TMEM65: variants seen among roughly 807,000 people sequenced by gnomAD.
TMEM65 encodes the protein transmembrane protein 65.
A neutral mutation model predicts 25.4 loss-of-function variants in TMEM65; 22 were observed. That is an observed-to-expected ratio of 0.86 (90% CI 0.62 to 1.23). TMEM65 has a LOEUF of 1.23. Among genes scored for constraint, TMEM65 ranks in the 50% most tolerant of loss-of-function variants. The probability of loss-of-function intolerance (pLI) is 0.00; values close to 1 mark genes in which losing one functional copy is unlikely to be tolerated. For synonymous variants in TMEM65, 132 were observed against 126.2 expected (o/e 1.05, Z -0.31); for missense variants, 262 against 308.2 (o/e 0.85, Z 1.12).
rs1443962480 is a variant in TMEM65, at chr8:124,339,186, T to C, written c.305-8394A>G. 9.6e-4 allele frequency among the ~76,000 whole-genome samples: 54 copies of C among 56,192 alleles called. 1 individual carries two copies. The highest frequency in any genetic ancestry group is 4.7e-3 in the African/African-American group (54 of 11,448). The allele number at this position is 56,192 out of a possible 152,430, so 36.9% of individuals were successfully genotyped here. ...CAGCCTGGGCAACAGAGCAAGACTC[T>C]GTCTCAAAAAAAAAAAAAAAAAAAA... On this transcript the variant is annotated intron_variant, in intron 1 of 6. Transcript: ENST00000297632.
chr8:124,351,497 A>G (rs1455775661), intron 1 of TMEM65, among the ~76,000 whole-genome samples: 1 of 152,204 alleles, frequency 6.6e-6, no homozygotes, highest in African/African-American at 2.4e-5. Flanking sequence ...ACTTATCAGA[A>G]GCAGGTTTAA....
intron 1 of TMEM65, among the ~76,000 whole-genome samples, chr8:124,371,034 T>C (rs1815004663): frequency 6.6e-6 from 1 of 152,230 alleles, no homozygotes; most frequent in Admixed American, 6.5e-5. Context: ...AGACTCAAAT[T>C]CTGCCCTACC....
intron 3 of TMEM65, among the ~76,000 whole-genome samples, chr8:124,324,171 G>C (rs1814338705): frequency 6.6e-6 from 1 of 152,006 alleles, no homozygotes; most frequent in Non-Finnish European, 1.5e-5. Context: ...GAGTTCTCTT[G>C]AATACTGATG....
At chr8:124,365,749 A>C (rs1814930104) in intron 1 of TMEM65, among the ~76,000 whole-genome samples, 1 of 152,170 alleles carries the variant, frequency 6.6e-6, no homozygotes, top group Non-Finnish European at 1.5e-5. Flanking sequence ...GAACCAAGGA[A>C]TCCCAAAAGA....
Position 124,329,590 on chromosome 8 carries a change from G to A in TMEM65, c.349+1158C>T, listed in dbSNP as rs371093902. Among the ~76,000 whole-genome samples, 5 of 151,942 alleles carry A rather than the reference G, an allele frequency of 3.3e-5. No homozygotes were observed. In the East Asian group the frequency reaches 5.8e-4, roughly 18 times the overall value. On this transcript the variant is annotated intron_variant, in intron 2 of 6. Coordinates refer to ENST00000297632, the MANE Select transcript of TMEM65 (RefSeq NM_194291.3). ...TACAAACAATCACTTTGAACTATAC[G>A]ATGTATGTTTTTAGTGTTTATACCT...
intron 1 of TMEM65, among the ~76,000 whole-genome samples, chr8:124,352,475 CATAAAATAAA>C (rs202063585): frequency 0.062 from 7,958 of 127,798 alleles, 338 homozygotes; most frequent in East Asian, 0.16. Flanking sequence ...AATTTACTAT[CATAAAATAAA>C]ATAAAATAAA....
intron 1 of TMEM65, among the ~76,000 whole-genome samples, chr8:124,336,894 G>C (rs1814514945): frequency 4.0e-5 from 6 of 151,684 alleles, no homozygotes; most frequent in Admixed American, 3.9e-4. Flanking sequence ...TATACTGATA[G>C]ACAAAAAGAG....
intron 1 of TMEM65, among the ~76,000 whole-genome samples, chr8:124,353,629 T>A (rs953293774): frequency 6.6e-6 from 1 of 152,104 alleles, no homozygotes; most frequent in African/African-American, 2.4e-5. Context: ...AAATGGCTGA[T>A]TCTAAGGCTA....
At chr8:124,359,203 G>C (rs981475605) in intron 1 of TMEM65, among the ~76,000 whole-genome samples, 2 of 152,096 alleles carry the variant, frequency 1.3e-5, no homozygotes, top group African/African-American at 4.8e-5. Flanking sequence ...ATTGATCAAG[G>C]TGATCCAAGA....
chr8:124,363,633 C>T (rs1563600494), intron 1 of TMEM65, among the ~76,000 whole-genome samples: 2 of 151,780 alleles, frequency 1.3e-5, no homozygotes, highest in Non-Finnish European at 2.9e-5. Flanking sequence ...GTCAGGAGAT[C>T]GAGACCATCC....
At chr8:124,340,857 T>C (rs1814576149) in intron 1 of TMEM65, among the ~76,000 whole-genome samples, 1 of 152,264 alleles carries the variant, frequency 6.6e-6, no homozygotes, top group South Asian at 2.1e-4. Flanking sequence ...AACATTTTGC[T>C]TCTTCTACAG....
intron 3 of TMEM65, among the ~76,000 whole-genome samples, chr8:124,325,142 A>C (rs555346031): frequency 6.6e-6 from 1 of 151,998 alleles, no homozygotes; most frequent in Non-Finnish European, 1.5e-5. Flanking sequence ...TACGACTACA[A>C]CTAGGGTGGG....
intron 1 of TMEM65, among the ~76,000 whole-genome samples, chr8:124,365,573 C>T (rs1329857305): frequency 6.6e-6 from 1 of 151,910 alleles, no homozygotes; most frequent in Non-Finnish European, 1.5e-5. Flanking sequence ...ATATATGTTA[C>T]ATTATATGGC....
Position 124,327,441 on chromosome 8 carries a change from G to T in TMEM65, c.350-20C>A, listed in dbSNP as rs1349525643. 1 of 1,525,958 alleles carries T rather than the reference G, an allele frequency of 6.6e-7. No homozygotes were observed. The highest frequency in any genetic ancestry group is 8.9e-7 in the Non-Finnish European group (1 of 1,122,220). The allele number at this position is 1,525,958 out of a possible 1,614,324, so 94.5% of individuals were successfully genotyped here. On this transcript the variant is annotated intron_variant, in intron 2 of 6. Transcript: ENST00000297632. Reference sequence around the variant, plus strand: ...TGAATACTGAAAAACATCAAAAACAGAAAAATATATTTTAAGATTTCTATA... The same window carrying T: ...TGAATACTGAAAAACATCAAAAACATAAAAATATATTTTAAGATTTCTATA...
At chr8:124,366,245 CAA>C (rs1433123381) in intron 1 of TMEM65, among the ~76,000 whole-genome samples, 1 of 152,188 alleles carries the variant, frequency 6.6e-6, no homozygotes, top group Admixed American at 6.5e-5. Flanking sequence ...AAAACTAATA[CAA>C]AGTCTTACAG....
chr8:124,339,434 G>A (rs1419169840), intron 1 of TMEM65, among the ~76,000 whole-genome samples: 1 of 151,388 alleles, frequency 6.6e-6, no homozygotes, highest in Non-Finnish European at 1.5e-5. Flanking sequence ...ATTGCTGGAT[G>A]AAGCTCTCTG....
chr8:124,357,795 AC>A (rs1814803137), intron 1 of TMEM65, among the ~76,000 whole-genome samples: 1 of 66,614 alleles, frequency 1.5e-5, no homozygotes, highest in South Asian at 6.8e-4. Context: ...AGTCAGACAA[AC>A]CTTTTTTTTT....
intron 2 of TMEM65, among the ~76,000 whole-genome samples, chr8:124,329,043 C>T (rs1025872223): frequency 1.3e-5 from 2 of 151,732 alleles, no homozygotes; most frequent in Non-Finnish European, 2.9e-5. Flanking sequence ...TAAACCAGTA[C>T]ATAATAGGTA....
chr8:124,350,171 A>G (rs1814689798), intron 1 of TMEM65, among the ~76,000 whole-genome samples: 1 of 150,834 alleles, frequency 6.6e-6, no homozygotes, highest in Non-Finnish European at 1.5e-5. Context: ...TAAAAACACT[A>G]TGCCCCTATA....
Sources: gnomAD v4.1 joint callset for allele counts (sites outside exome capture counted in the v4.1 genomes callset) on GRCh38, gnomAD v4.1.1 for gene constraint, MANE v1.5 for transcripts, NCBI Gene and HGNC (gene_info 2026-07-23, HGNC 2026-07-21) for gene names.